GLIS3: variants seen among roughly 807,000 people sequenced by gnomAD.
GLIS3 encodes zinc finger protein GLIS3.
Under a neutral mutation model 78.6 loss-of-function variants are expected in GLIS3, and 53 were observed. The ratio of observed to expected loss-of-function variants is 0.67; its 90% CI spans 0.54 to 0.85. GLIS3 has a LOEUF of 0.85. Ranked by LOEUF, GLIS3 falls within the 40% of genes least tolerant of loss-of-function variation. The pLI is 0.00. For synonymous variants in GLIS3, 684 were observed against 509.9 expected, an observed-to-expected ratio of 1.34 and a Z score of -4.60; for missense variants, 1,703 against 1,231.1, an observed-to-expected ratio of 1.38 and a Z score of -5.74.
intron 2 of GLIS3, among the ~76,000 whole-genome samples, chr9:4,255,953 T>C (rs893204067): frequency 1.3e-5 from 2 of 152,196 alleles, no homozygotes; most frequent in Admixed American, 1.3e-4. Flanking sequence ...TATGTATATA[T>C]GCGTGCAGGG....
intron 2 of GLIS3, among the ~76,000 whole-genome samples, chr9:4,197,212 A>C (rs1818946104): frequency 6.6e-6 from 1 of 151,614 alleles, no homozygotes; most frequent in Admixed American, 6.6e-5. Context: ...CCTCACATGG[A>C]CTAGGAGCCT....
At chr9:4,300,263 A>T (rs1243012908), upstream of GLIS3, among the ~76,000 whole-genome samples, 1 of 151,854 alleles carries the variant, frequency 6.6e-6, no homozygotes, top group Non-Finnish European at 1.5e-5. Flanking sequence ...GTGCGCCAGA[A>T]GTCGAGGAAC....
At chr9:3,879,101 G>C (rs1305614956) in intron 8 of GLIS3, among the ~76,000 whole-genome samples, 1 of 151,980 alleles carries the variant, frequency 6.6e-6, no homozygotes, top group East Asian at 1.9e-4. Flanking sequence ...GAAGTGCTTC[G>C]ACCTGCATAT....
chr9:3,890,384 C>T (rs1399927047), intron 7 of GLIS3, among the ~76,000 whole-genome samples: 3 of 152,126 alleles, frequency 2.0e-5, no homozygotes, highest in African/African-American at 7.2e-5. Context: ...TCAGCACATC[C>T]ATTACTGACT....
chr9:3,898,425 G>A (rs892775893), intron 7 of GLIS3: 8 of 493,364 alleles, frequency 1.6e-5, no homozygotes, highest in South Asian at 8.2e-5. Flanking sequence ...ACATAACTGC[G>A]AGGGTTGGGT....
chr9:4,301,403 T>C (rs755047945), upstream of GLIS3, among the ~76,000 whole-genome samples: 5 of 152,230 alleles, frequency 3.3e-5, no homozygotes, highest in Admixed American at 2.6e-4. Flanking sequence ...AAATGAAGCA[T>C]GCAGCAACAT....
At chr9:3,997,828 C>T (rs1025823354) in intron 4 of GLIS3, among the ~76,000 whole-genome samples, 1 of 151,822 alleles carries the variant, frequency 6.6e-6, no homozygotes, top group African/African-American at 2.4e-5. Context: ...TTCTATTCAG[C>T]ATCACCTTGG....
intron 4 of GLIS3, among the ~76,000 whole-genome samples, chr9:4,054,010 C>A (rs531905829): frequency 1.3e-5 from 2 of 152,322 alleles, no homozygotes; most frequent in South Asian, 4.1e-4. Context: ...AGTCAAGTTA[C>A]TCTTTGAATA....
intron 6 of GLIS3, among the ~76,000 whole-genome samples, chr9:3,911,238 C>T (rs1390821633): frequency 1.3e-5 from 2 of 152,198 alleles, no homozygotes; most frequent in East Asian, 3.8e-4. Flanking sequence ...AAGTTCCCTG[C>T]TCTCACAGAG....
At chr9:3,888,262 G>T (rs531458450) in intron 7 of GLIS3, among the ~76,000 whole-genome samples, 1 of 152,196 alleles carries the variant, frequency 6.6e-6, no homozygotes, top group African/African-American at 2.4e-5. Flanking sequence ...AAAATACTGG[G>T]TTCCCAATCT....
At chr9:4,374,724 T>G in the GLIS3 span, among the ~76,000 whole-genome samples, 1 of 151,808 alleles carries the variant, frequency 6.6e-6, no homozygotes, top group Non-Finnish European at 1.5e-5. Context: ...ATCACATACA[T>G]AAAGCAGGCT....
intron 2 of GLIS3, among the ~76,000 whole-genome samples, chr9:4,283,059 C>T (rs575782831): frequency 6.1e-5 from 9 of 148,730 alleles, no homozygotes. Context: ...TCCCAGACAA[C>T]CCCCTCCATG....
the GLIS3 span, among the ~76,000 whole-genome samples, chr9:4,483,920 A>T: frequency 6.6e-6 from 1 of 152,124 alleles, no homozygotes; most frequent in Non-Finnish European, 1.5e-5. Flanking sequence ...CAGCAGCCTC[A>T]TGAAGAAACA....
At position 4,124,960 on chromosome 9, in the gene GLIS3, T is replaced by C. The variant is rs532139902; in HGVS notation, c.596+774A>G. On this transcript the variant is annotated intron_variant, in intron 3 of 10. Transcript: ENST00000381971. ...AAACATAGACACAGACCTTAAACAC[T>C]GTACAGTATTTTGGCTTTATGCCCC... 1.9e-4 allele frequency among the ~76,000 whole-genome samples: 29 copies of C among 152,312 alleles called. No homozygotes were observed. In the South Asian group the frequency reaches 6.0e-3, roughly 32 times the overall value.
At chr9:3,900,503 C>A (rs932108197) in intron 6 of GLIS3, among the ~76,000 whole-genome samples, 1 of 151,570 alleles carries the variant, frequency 6.6e-6, no homozygotes, top group Non-Finnish European at 1.5e-5. Flanking sequence ...AAAATATACA[C>A]ATATATATAT....
chr9:4,027,186 C>A (rs977218363), intron 4 of GLIS3, among the ~76,000 whole-genome samples: 3 of 152,198 alleles, frequency 2.0e-5, no homozygotes, highest in African/African-American at 7.2e-5. Flanking sequence ...ATGTTAGCAA[C>A]CTGGCTAAAA....
intron 4 of GLIS3, among the ~76,000 whole-genome samples, chr9:4,010,171 C>T (rs1349731734): frequency 2.0e-5 from 3 of 152,066 alleles, no homozygotes; most frequent in African/African-American, 7.3e-5. Context: ...GAATAGCTGT[C>T]AATGGAGAGC....
chr9:4,191,156 AT>A lies in GLIS3; in HGVS notation c.389-65216del, dbSNP rs369426698. Among the ~76,000 whole-genome samples the A allele has an allele frequency of 1.7e-3, 250 of 150,676 alleles. 8 individuals are homozygous for A. The East Asian group carries it at 0.043, about 26-fold the overall frequency. ...AGCAAAATAACCAGCTAACATCATA[AT>A]GACAGGATCAAATTCACACATAACA... On this transcript the variant is annotated intron_variant, in intron 2 of 10. Coordinates refer to ENST00000381971, the MANE Select transcript of GLIS3 (RefSeq NM_001042413.2).
chr9:4,146,907 G>A (rs1334226622), intron 2 of GLIS3, among the ~76,000 whole-genome samples: 1 of 152,106 alleles, frequency 6.6e-6, no homozygotes, highest in African/African-American at 2.4e-5. Context: ...AGAGTATTAC[G>A]TTCGACTTTT....
Sources: allele counts gnomAD v4.1 joint callset (sites outside exome capture counted in the v4.1 genomes callset), GRCh38; gene constraint gnomAD v4.1.1; transcripts MANE v1.5; gene names NCBI Gene and HGNC (gene_info 2026-07-23, HGNC 2026-07-21).